Variants in EBF3 observed in about 807,000 individuals in gnomAD.
The protein encoded by EBF3 is transcription factor COE3.
In EBF3, 18 loss-of-function variants were observed where a neutral mutation model predicts 77.1. That is an observed-to-expected ratio of 0.23 (90% CI 0.16 to 0.35). The LOEUF (loss-of-function observed/expected upper bound fraction) is 0.35. Ranked by LOEUF, EBF3 falls within the 10% of genes least tolerant of loss-of-function variation. The pLI, the probability that EBF3 is intolerant of heterozygous loss-of-function variation, is 1.00. For missense variants in EBF3, 558 were observed against 860.0 expected (o/e 0.65, Z 4.39); for synonymous variants, 350 against 343.5 (o/e 1.02, Z -0.21).
intron 11 of EBF3, chr10:129,846,003 A>G (rs1850431033): frequency 6.6e-6 from 1 of 151,038 alleles, no homozygotes; most frequent in African/African-American, 2.4e-5. Context: ...CTTAAAAAGA[A>G]TGAGAATTCT....
At chr10:129,876,805 T>TTCC (rs1332095639) in intron 7 of EBF3, among the ~76,000 whole-genome samples, 1 of 151,386 alleles carries the variant, frequency 6.6e-6, no homozygotes, top group Non-Finnish European at 1.5e-5. Context: ...CTGAATTAGC[T>TTCC]TCCTAATCAT....
At chr10:129,953,728 C>G (rs1858840352) in intron 6 of EBF3, among the ~76,000 whole-genome samples, 1 of 152,200 alleles carries the variant, frequency 6.6e-6, no homozygotes, top group Non-Finnish European at 1.5e-5. Flanking sequence ...CACTTTGCAA[C>G]AGTTGGACCT....
intron 6 of EBF3, among the ~76,000 whole-genome samples, chr10:129,899,458 A>C (rs889489887): frequency 6.6e-6 from 1 of 152,178 alleles, no homozygotes; most frequent in Non-Finnish European, 1.5e-5. Flanking sequence ...GGCGCCCTGG[A>C]CCAGCCTGGG....
At chr10:129,910,236 G>A (rs770142977) in intron 6 of EBF3, among the ~76,000 whole-genome samples, 8 of 152,222 alleles carry the variant, frequency 5.3e-5, no homozygotes, top group Non-Finnish European at 1.5e-5. Flanking sequence ...CTTGACATGT[G>A]TCCTGTAAGC....
chr10:129,893,717 G>T (rs1299616877), intron 6 of EBF3, among the ~76,000 whole-genome samples: 1 of 152,132 alleles, frequency 6.6e-6, no homozygotes, highest in African/African-American at 2.4e-5. Flanking sequence ...CATGAAACCC[G>T]GACCACCTTC....
In EBF3 at chr10:129,939,192, CTG is replaced by C. The variant is rs1464969799; in HGVS notation, c.554+18064_554+18065del. Among the ~76,000 whole-genome samples, 7 of 152,344 alleles carry C rather than the reference CTG, an allele frequency of 4.6e-5. No homozygotes were observed. The East Asian group carries it at 9.7e-4, about 21-fold the overall frequency. ...GGAGAGCAGAGCAGTGGCAGCCAAA[CTG>C]TGTTCGAGCACACTCTGGGGGCAGT... On this transcript the variant is annotated intron_variant, in intron 6 of 16. Coordinates refer to ENST00000440978, the MANE Select transcript of EBF3 (RefSeq NM_001375380.1).
At chr10:129,927,955 GCTTGAGATTCCCAGC>G (rs1398100835) in intron 6 of EBF3, among the ~76,000 whole-genome samples, 1 of 152,144 alleles carries the variant, frequency 6.6e-6, no homozygotes, top group Non-Finnish European at 1.5e-5. Flanking sequence ...TCGGTGGAGA[GCTTGAGATTCCCAGC>G]CCAGGACTGG....
At chr10:129,902,437 TG>T in intron 6 of EBF3, among the ~76,000 whole-genome samples, 1 of 151,994 alleles carries the variant, frequency 6.6e-6, no homozygotes, top group African/African-American at 2.4e-5. Context: ...CCATGGCCAC[TG>T]GGGTTCAGAA....
At chr10:129,909,124 G>GGT (rs1855343125) in intron 6 of EBF3, among the ~76,000 whole-genome samples, 2 of 152,140 alleles carry the variant, frequency 1.3e-5, no homozygotes, top group Non-Finnish European at 2.9e-5. Flanking sequence ...CTTCCCAGAG[G>GGT]GTGGCTCTTT....
Position 129,863,910 on chromosome 10 carries a change from G to A in EBF3, c.1039+3231C>T, listed in dbSNP as rs1851813573. Among the ~76,000 whole-genome samples, 2 of 152,112 alleles carry A rather than the reference G, an allele frequency of 1.3e-5. No homozygotes were observed. Among genetic ancestry groups the A allele is most frequent in the African/African-American group, 4.8e-5 (2 of 41,418 alleles). On this transcript the variant is annotated intron_variant, in intron 10 of 16. Transcript: ENST00000440978. This position sits in a 1 kb window ranked among gnomAD's most constrained non-coding sequence, Gnocchi z 4.0. ...AGCCAATAGGTTAACCTCCAGCCAG[G>A]AAAGGCTGGGCTGTGGCAAGCATCA...
chr10:129,863,382 C>A lies in EBF3; in HGVS notation c.1039+3759G>T, dbSNP rs1450887071. ...GGCAAAAGGGCCTGGATGGATGGGG[C>A]CTGGCCTGCCTTCCCCTTCCCACTC... On this transcript the variant is annotated intron_variant, in intron 10 of 16. Coordinates refer to ENST00000440978, the MANE Select transcript of EBF3 (RefSeq NM_001375380.1). The surrounding 1 kb of genome is among the most constrained non-coding windows in gnomAD (Gnocchi z 4.0). Among the ~76,000 whole-genome samples the A allele has an allele frequency of 3.3e-5, 5 of 152,230 alleles. No individual in the cohort carries two copies. The highest frequency in any genetic ancestry group is 2.9e-5 in the Non-Finnish European group (2 of 68,030).
intron 6 of EBF3, among the ~76,000 whole-genome samples, chr10:129,891,755 G>A (rs1854034244): frequency 1.3e-5 from 2 of 152,174 alleles, no homozygotes; most frequent in Non-Finnish European, 2.9e-5. Context: ...AGAGCTCAGA[G>A]GCCCACAGCC....
In EBF3 at chr10:129,841,509, C is replaced by T. The variant is rs1850052502; in HGVS notation, c.1373-477G>A. Among the ~76,000 whole-genome samples the T allele has an allele frequency of 1.3e-5, 2 of 152,174 alleles. No homozygotes were observed. The highest frequency in any genetic ancestry group is 1.3e-4 in the Admixed American group (2 of 15,286). ...GTTCGGGGGACATGGAAGCTTCATT[C>T]CTGCCATGGGAGCTTGTGGATGGAC... On this transcript the variant is annotated intron_variant, in intron 13 of 16. Transcript: ENST00000440978. This position sits in a 1 kb window ranked among gnomAD's most constrained non-coding sequence, Gnocchi z 4.6.
chr10:129,850,423 A>G (rs7100028), intron 10 of EBF3, among the ~76,000 whole-genome samples: 43,396 of 152,178 alleles, frequency 0.29, 10,819 homozygotes, highest in African/African-American at 0.68. Flanking sequence ...GGGTAAGTAC[A>G]TGGGCCCCTT....
intron 6 of EBF3, among the ~76,000 whole-genome samples, chr10:129,931,681 G>A (rs1186361402): frequency 1.3e-5 from 2 of 152,242 alleles, no homozygotes; most frequent in South Asian, 2.1e-4. Flanking sequence ...TTTATAAAAC[G>A]AAGTCTTCTC....
Position 129,843,200 on chromosome 10 carries a change from C to T in EBF3, c.1131G>A (p.Glu377=). 6.2e-7 allele frequency: 1 copy of T among 1,611,432 alleles called. No homozygotes were observed. The highest frequency in any genetic ancestry group is 1.3e-5 in the African/African-American group (1 of 75,006). ...GGTCCGCCGCCCGCTTCAGTAACAC[C>T]TCCTAAAGGAAGAGCAGACAGGAGG... The part of the protein sequence containing the change: ...HPGDPERLPK[E]VLLKRAADLV... Residue 377 remains glutamate, a splice_region_variant and synonymous_variant, in exon 12 of 17, where the codon GAG becomes GAA. Coordinates refer to ENST00000440978, the MANE Select transcript of EBF3 (RefSeq NM_001375380.1).
chr10:129,954,111 G>T (rs770558297), intron 6 of EBF3, among the ~76,000 whole-genome samples: 1 of 152,300 alleles, frequency 6.6e-6, no homozygotes, highest in Non-Finnish European at 1.5e-5. Flanking sequence ...GTGTACATGT[G>T]TGTTTGTGTG....
Position 129,885,304 on chromosome 10 carries a change from C to T in EBF3, c.555-7455G>A, listed in dbSNP as rs1000347427. On this transcript the variant is annotated intron_variant, in intron 6 of 16. Coordinates refer to ENST00000440978, the MANE Select transcript of EBF3 (RefSeq NM_001375380.1). This position sits in a 1 kb window ranked among gnomAD's most constrained non-coding sequence, Gnocchi z 4.0. ...TCCGTTTGGAGAAATTTGTATGACT[C>T]GCATTAAACTTTTCCGGGTGGTTTT... Among the ~76,000 whole-genome samples the T allele has an allele frequency of 2.6e-5, 4 of 152,098 alleles. No individual in the cohort carries two copies. Among genetic ancestry groups the T allele is most frequent in the Non-Finnish European group, 4.4e-5 (3 of 68,022 alleles).
intron 6 of EBF3, among the ~76,000 whole-genome samples, chr10:129,905,089 A>G (rs1855048366): frequency 6.6e-6 from 1 of 152,138 alleles, no homozygotes; most frequent in South Asian, 2.1e-4. Context: ...GTGACTCTGG[A>G]CCCCAGGGCT....
Sources: gnomAD v4.1 joint callset for allele counts (sites outside exome capture counted in the v4.1 genomes callset) on GRCh38, gnomAD v4.1.1 for gene constraint, Gnocchi (gnomAD v3.1) non-coding constraint, MANE v1.5 for transcripts, NCBI Gene and HGNC (gene_info 2026-07-23, HGNC 2026-07-21) for gene names.